RIMKLB: variants seen among roughly 807,000 people sequenced by gnomAD.
RIMKLB encodes the protein ribosomal modification protein rimK like family member B.
Under a neutral mutation model 32.0 loss-of-function variants are expected in RIMKLB, and 7 were observed. The ratio of observed to expected loss-of-function variants is 0.22; its 90% CI spans 0.12 to 0.41. The LOEUF (loss-of-function observed/expected upper bound fraction) is 0.41. Among genes scored for constraint, RIMKLB ranks in the 10% least tolerant of loss-of-function variants. RIMKLB has a pLI of 1.00. For synonymous variants in RIMKLB, 172 were observed against 185.1 expected, an observed-to-expected ratio of 0.93 and a Z score of 0.57; for missense variants, 289 against 498.7, an observed-to-expected ratio of 0.58 and a Z score of 4.00.
chr12:8,707,320 G>GTTTGATTAA (rs766359798), intron 1 of RIMKLB, among the ~76,000 whole-genome samples: 7 of 152,266 alleles, frequency 4.6e-5, no homozygotes, highest in Admixed American at 4.6e-4. Flanking sequence ...CTGTCTTTGG[G>GTTTGATTAA]TTTGATTAAT....
chr12:8,698,715 C>CCCGCCGCCCCTCA lies in RIMKLB; in HGVS notation c.-57+418_-57+419insCCGCCGCCCCTCA, dbSNP rs11275581. ...TGCGGCGACACTCCCCCTCCCCCCCCTTCCCACAAATTCTATGGAGCGACC... is the reference window on the plus strand; with the variant it reads ...TGCGGCGACACTCCCCCTCCCCCCCCCCGCCGCCCCTCATTCCCACAAATTCTATGGAGCGACC... On this transcript the variant is annotated intron_variant, in intron 1 of 5. Transcript: ENST00000535829. Among the ~76,000 whole-genome samples, 1,127 of 151,498 alleles carry CCCGCCGCCCCTCA rather than the reference C, an allele frequency of 7.4e-3. 15 individuals carry two copies. Among genetic ancestry groups the CCCGCCGCCCCTCA allele is most frequent in the African/African-American group, 0.023 (932 of 41,218 alleles).
intron 2 of RIMKLB, among the ~76,000 whole-genome samples, chr12:8,725,681 G>A (rs1053618443): frequency 3.9e-5 from 6 of 152,330 alleles, no homozygotes; most frequent in East Asian, 1.9e-4. Context: ...GGGCTTTAGC[G>A]CCATATGAAG....
At chr12:8,761,062 T>C (rs1485657647) in intron 5 of RIMKLB, among the ~76,000 whole-genome samples, 1 of 152,036 alleles carries the variant, frequency 6.6e-6, no homozygotes, top group Non-Finnish European at 1.5e-5. Context: ...TAAAAATAAT[T>C]TTTCTGGCCG....
intron 2 of RIMKLB, among the ~76,000 whole-genome samples, chr12:8,741,899 G>A (rs1947578075): frequency 6.6e-6 from 1 of 151,014 alleles, no homozygotes; most frequent in South Asian, 2.1e-4. Context: ...TAAAATAAAA[G>A]TTTAAATTAT....
downstream of RIMKLB, chr12:8,779,938 G>A (rs1950936659): frequency 6.6e-6 from 1 of 152,108 alleles, no homozygotes; most frequent in African/African-American, 2.4e-5. Context: ...TCTATGGTCA[G>A]TCCTTTTTAA....
At chr12:8,721,157 C>A (rs916505703) in intron 2 of RIMKLB, among the ~76,000 whole-genome samples, 3 of 152,150 alleles carry the variant, frequency 2.0e-5, no homozygotes, top group Admixed American at 6.5e-5. Context: ...TGGTTTCAGA[C>A]CACCACAGTC....
downstream of RIMKLB, among the ~76,000 whole-genome samples, chr12:8,781,714 G>A (rs1442684242): frequency 6.6e-6 from 1 of 152,150 alleles, no homozygotes; most frequent in African/African-American, 2.4e-5. Flanking sequence ...CTAAGAGAGT[G>A]TGCATGTCTG....
At chr12:8,695,893 A>G (rs1379506808), upstream of RIMKLB, among the ~76,000 whole-genome samples, 1 of 152,090 alleles carries the variant, frequency 6.6e-6, no homozygotes, top group African/African-American at 2.4e-5. Flanking sequence ...AGGTTTCTCT[A>G]TGCTGGTCAG....
rs1391832575 is a variant in RIMKLB at position 8,773,448 on chromosome 12, C to T, written c.825C>T (p.Val275=). ...LLMKDDGSFC[V]CEANANVGFI... is the part of the protein sequence containing the mutation. ...TGAAAGATGACGGCTCCTTCTGCGT[C>T]TGTGAGGCCAATGCAAATGTAGGTT... Residue 275 remains valine (V), a synonymous_variant, in exon 6 of 6, where the codon GTC becomes GTT. Coordinates refer to ENST00000535829, the MANE Select transcript of RIMKLB (RefSeq NM_001297776.2). The T allele has an allele frequency of 1.9e-6, 3 of 1,614,104 alleles. No individual in the cohort carries two copies. Among genetic ancestry groups the T allele is most frequent in the Non-Finnish European group, 2.5e-6 (3 of 1,180,034 alleles).
chr12:8,741,637 T>C (rs999971558), intron 2 of RIMKLB, among the ~76,000 whole-genome samples: 1 of 150,126 alleles, frequency 6.7e-6, no homozygotes, highest in Non-Finnish European at 1.5e-5. Context: ...AAAATTAGCC[T>C]GGCGTGATGG....
At chr12:8,751,797 A>G (rs1288154879) in intron 3 of RIMKLB, among the ~76,000 whole-genome samples, 160 bp from the exon 4 acceptor site, 1 of 152,216 alleles carries the variant, frequency 6.6e-6, no homozygotes, top group East Asian at 1.9e-4. Flanking sequence ...ATATTCTGTT[A>G]TATTTTCAAC....
intron 2 of RIMKLB, among the ~76,000 whole-genome samples, chr12:8,720,240 TAGG>T (rs1003664212): frequency 6.6e-6 from 1 of 152,204 alleles, no homozygotes; most frequent in Non-Finnish European, 1.5e-5. Flanking sequence ...ACACATTCAT[TAGG>T]AGAATATGAG....
chr12:8,754,154 T>C, intron 5 of RIMKLB, 61 bp downstream of exon 5: 1 of 1,209,058 alleles, frequency 8.3e-7, no homozygotes, highest in East Asian at 2.3e-5. Context: ...GTCCAGTGAG[T>C]ATTCATATGT....
At chr12:8,707,979 C>T (rs1285743567) in intron 1 of RIMKLB, among the ~76,000 whole-genome samples, 3 of 152,074 alleles carry the variant, frequency 2.0e-5, no homozygotes, top group Non-Finnish European at 4.4e-5. Context: ...TATTAACTGA[C>T]AAATGGAATA....
At chr12:8,770,533 C>G (rs1950321945) in intron 5 of RIMKLB, among the ~76,000 whole-genome samples, 1 of 152,156 alleles carries the variant, frequency 6.6e-6, no homozygotes, top group African/African-American at 2.4e-5. Flanking sequence ...CTTCCCATAT[C>G]TTGAGATCTC....
chr12:8,674,207 C>T, the RIMKLB span, among the ~76,000 whole-genome samples: 3 of 151,426 alleles, frequency 2.0e-5, no homozygotes, highest in Admixed American at 6.6e-5. Flanking sequence ...GCCTAACTCA[C>T]CTCTTCTCAC....
intron 2 of RIMKLB, among the ~76,000 whole-genome samples, chr12:8,720,083 T>C (rs1416697221): frequency 1.3e-5 from 2 of 152,172 alleles, no homozygotes; most frequent in Non-Finnish European, 2.9e-5. Flanking sequence ...TGGTGATAAG[T>C]TTGGTATAGC....
intron 1 of RIMKLB, among the ~76,000 whole-genome samples, chr12:8,706,225 C>A (rs1262776964): frequency 1.3e-4 from 19 of 148,024 alleles, no homozygotes; most frequent in Non-Finnish European, 7.5e-5. Context: ...CTGCAACCTC[C>A]GCCTTCTGGG....
At chr12:8,768,042 C>A (rs1950112517) in intron 5 of RIMKLB, among the ~76,000 whole-genome samples, 1 of 152,186 alleles carries the variant, frequency 6.6e-6, no homozygotes, top group African/African-American at 2.4e-5. Flanking sequence ...GCCTCTTGTT[C>A]TCTGACCTGG....
Sources: gnomAD v4.1 joint callset for allele counts (sites outside exome capture counted in the v4.1 genomes callset) on GRCh38, gnomAD v4.1.1 for gene constraint, MANE v1.5 for transcripts, NCBI Gene and HGNC (gene_info 2026-07-23, HGNC 2026-07-21) for gene names.